The following GRM8 variants were observed in gnomAD, a reference collection of about 807,000 sequenced individuals.
The protein encoded by GRM8 is metabotropic glutamate receptor 8.
In GRM8, 47 loss-of-function variants were observed where a neutral mutation model predicts 87.2. The ratio of observed to expected loss-of-function variants is 0.54; its 90% CI spans 0.43 to 0.69. GRM8 has a LOEUF of 0.69. GRM8 is among the 30% of genes least tolerant of loss of function. The pLI is 0.00. For missense variants in GRM8, 1,019 were observed against 1,139.2 expected (o/e 0.89, Z 1.52); for synonymous variants, 396 against 404.5 (o/e 0.98, Z 0.25).
chr7:127,070,317 T>G (rs1821548587), intron 3 of GRM8, among the ~76,000 whole-genome samples: 1 of 152,204 alleles, frequency 6.6e-6, no homozygotes, highest in South Asian at 2.1e-4. Flanking sequence ...TGTGTTTGAT[T>G]GTTTTCTAAG....
intron 2 of GRM8, among the ~76,000 whole-genome samples, chr7:127,209,488 G>T: frequency 6.6e-6 from 1 of 152,142 alleles, no homozygotes. Context: ...ACTTGCCACC[G>T]CCCTCACTGC....
intron 6 of GRM8, among the ~76,000 whole-genome samples, chr7:126,824,304 A>C (rs1268882277): frequency 6.6e-6 from 1 of 152,128 alleles, no homozygotes; most frequent in Non-Finnish European, 1.5e-5. Flanking sequence ...TGTGTCACAA[A>C]AAAAGTATAT....
At chr7:127,000,986 T>G (rs773833725) in intron 3 of GRM8, among the ~76,000 whole-genome samples, 3 of 151,582 alleles carry the variant, frequency 2.0e-5, no homozygotes, top group Non-Finnish European at 3.0e-5. Context: ...CAAAATCATT[T>G]GAAAAGAACT....
intron 9 of GRM8, among the ~76,000 whole-genome samples, chr7:126,498,113 T>C (rs2150678881): frequency 6.6e-6 from 1 of 151,948 alleles, no homozygotes; most frequent in South Asian, 2.1e-4. Flanking sequence ...AATTTCATGA[T>C]GAGAGGTGGG....
chr7:126,819,347 T>C (rs1438067108), intron 6 of GRM8, among the ~76,000 whole-genome samples: 5 of 151,094 alleles, frequency 3.3e-5, no homozygotes, highest in African/African-American at 4.9e-5. Context: ...TTCCCAGATA[T>C]AGAGCCACTT....
At chr7:126,756,305 T>C (rs976103498) in intron 7 of GRM8, among the ~76,000 whole-genome samples, 3 of 152,068 alleles carry the variant, frequency 2.0e-5, no homozygotes, top group Non-Finnish European at 2.9e-5. Context: ...GGGAAAACTA[T>C]TAAAACTATT....
At chr7:126,922,890 C>T (rs1257630510) in intron 3 of GRM8, among the ~76,000 whole-genome samples, 1 of 152,108 alleles carries the variant, frequency 6.6e-6, no homozygotes, top group East Asian at 1.9e-4. Flanking sequence ...CCTGTTCCCA[C>T]TTTGCCTTCT....
In GRM8 at chr7:126,908,562, TA is replaced by T. The variant is rs548829307; in HGVS notation, c.728-3880del. Among the ~76,000 whole-genome samples, 89 of 152,326 alleles carry T rather than the reference TA, an allele frequency of 5.8e-4. No individual in the cohort carries two copies. The East Asian group carries it at 0.016, about 28-fold the overall frequency. Reference sequence around the variant, plus strand: ...CATTCTGAGACTGACTCTGTAGCCATAAAAAATTAAGTTCTGAAAATTTTTA... The same window carrying T: ...CATTCTGAGACTGACTCTGTAGCCATAAAAATTAAGTTCTGAAAATTTTTA... On this transcript the variant is annotated intron_variant, in intron 3 of 10. Coordinates refer to ENST00000339582, the MANE Select transcript of GRM8 (RefSeq NM_000845.3).
chr7:127,203,897 A>C (rs1795759930), intron 2 of GRM8, among the ~76,000 whole-genome samples: 1 of 152,120 alleles, frequency 6.6e-6, no homozygotes, highest in East Asian at 1.9e-4. Flanking sequence ...CCATAACTAG[A>C]AAATAAATGC....
rs1021001584 is a variant in GRM8 at position 126,533,227 on chromosome 7, G to A, written c.2155C>T (p.Pro719Ser). 6.2e-7 allele frequency: 1 copy of A among 1,613,312 alleles called. No homozygotes were observed. The highest frequency in any genetic ancestry group is 1.1e-5 in the South Asian group (1 of 90,996). ...GVFVWFVVDP[P>S]HIIIDYGEQR... ...TCTCCATAGTCAATGATGATGTGGG[G>A]GGGATCCACAACAAACCAGACAAAC... Residue 719 changes from proline to serine, a missense_variant, in exon 9 of 11, where the codon CCC becomes TCC. Pro to Ser is a moderately conservative substitution (Grantham distance 74, BLOSUM62 -1). Coordinates refer to ENST00000339582, the MANE Select transcript of GRM8 (RefSeq NM_000845.3).
rs192555414 is a variant in GRM8, at chr7:126,612,338, G to A, written c.1358-2840C>T. ...CAATGCCACCTATACCTAAAATTCC[G>A]GTCCCTAAATTCATTATGCTCTGTC... is the stretch of plus-strand genomic sequence containing the variant. On this transcript the variant is annotated intron_variant, in intron 7 of 10. Transcript: ENST00000339582. Among the ~76,000 whole-genome samples the A allele has an allele frequency of 3.5e-3, 532 of 152,042 alleles. 6 individuals are homozygous for A. Among genetic ancestry groups the A allele is most frequent in the Admixed American group, 4.7e-3 (71 of 15,264 alleles).
chr7:127,241,274 A>T (rs569703960), intron 2 of GRM8, among the ~76,000 whole-genome samples: 4 of 152,320 alleles, frequency 2.6e-5, no homozygotes, highest in African/African-American at 9.6e-5. Flanking sequence ...TGTGCCTCTG[A>T]GATATCTGCC....
intron 2 of GRM8, among the ~76,000 whole-genome samples, chr7:127,241,406 A>C (rs1037655069): frequency 6.6e-6 from 1 of 151,148 alleles, no homozygotes; most frequent in East Asian, 1.9e-4. Context: ...TAATATTTCT[A>C]AATCTAATGT....
chr7:126,704,881 G>C (rs1242364607), intron 7 of GRM8, among the ~76,000 whole-genome samples: 1 of 152,148 alleles, frequency 6.6e-6, no homozygotes, highest in African/African-American at 2.4e-5. Context: ...CTGTGGTCCT[G>C]TGATCTCGCC....
intron 2 of GRM8, among the ~76,000 whole-genome samples, chr7:127,214,758 C>T (rs981487553): frequency 1.3e-5 from 2 of 152,242 alleles, no homozygotes; most frequent in East Asian, 1.9e-4. Flanking sequence ...AATTACAATT[C>T]GAGATGAGAT....
intron 9 of GRM8, among the ~76,000 whole-genome samples, chr7:126,458,435 A>G (rs1391851550): frequency 6.6e-6 from 1 of 151,432 alleles, no homozygotes; most frequent in Admixed American, 6.6e-5. Context: ...TCATTAAATT[A>G]TGCAAAGAAT....
intron 8 of GRM8, among the ~76,000 whole-genome samples, chr7:126,583,851 A>G (rs1278330144): frequency 2.0e-5 from 3 of 152,224 alleles, no homozygotes; most frequent in Non-Finnish European, 4.4e-5. Context: ...TTACATAAAC[A>G]CAGTTGATAA....
intron 2 of GRM8, among the ~76,000 whole-genome samples, chr7:127,149,455 T>G (rs1482943037): frequency 6.6e-6 from 1 of 152,046 alleles, no homozygotes; most frequent in Admixed American, 6.6e-5. Flanking sequence ...ACTCATACAC[T>G]ATTGATGGGA....
intron 3 of GRM8, among the ~76,000 whole-genome samples, chr7:127,069,344 A>G (rs1821450418): frequency 6.6e-6 from 1 of 152,038 alleles, no homozygotes; most frequent in Non-Finnish European, 1.5e-5. Flanking sequence ...TTGTATTTTT[A>G]GTAGAGATGG....
Sources: gnomAD v4.1 joint callset for allele counts (sites outside exome capture counted in the v4.1 genomes callset) on GRCh38, gnomAD v4.1.1 for gene constraint, MANE v1.5 for transcripts, NCBI Gene and HGNC (gene_info 2026-07-23, HGNC 2026-07-21) for gene names.